ETV5: variants seen among roughly 807,000 people sequenced by gnomAD.
ETV5 encodes the protein ETS variant transcription factor 5.
ETV5 carries 10 observed loss-of-function variants against 70.0 expected under a neutral mutation model. The ratio of observed to expected loss-of-function variants is 0.14; its 90% CI spans 0.09 to 0.24. ETV5 has a LOEUF of 0.24. ETV5 is among the 10% of genes least tolerant of loss of function. The pLI is 1.00. For synonymous variants in ETV5, 216 were observed against 242.2 expected (o/e 0.89, Z 1.01); for missense variants, 453 against 651.2 (o/e 0.70, Z 3.31).
At chr3:186,066,693 TAATC>T in intron 7 of ETV5, among the ~76,000 whole-genome samples, 1 of 152,280 alleles carries the variant, frequency 6.6e-6, no homozygotes, top group Non-Finnish European at 1.5e-5. Context: ...CACTGAAAAT[TAATC>T]TATAAAAGCA....
intron 1 of ETV5, among the ~76,000 whole-genome samples, chr3:186,107,477 C>T (rs1714614871): frequency 6.6e-6 from 1 of 152,054 alleles, no homozygotes. Context: ...ATTTTTCAGT[C>T]TCATGATGAA....
intron 7 of ETV5, 85 bp from the exon 8 acceptor site, chr3:186,066,157 T>C (rs1286734477): frequency 7.9e-7 from 1 of 1,260,718 alleles, no homozygotes; most frequent in African/African-American, 1.5e-5. Context: ...GAAGTTCCAA[T>C]TAATGAAATT....
chr3:186,067,364 G>A (rs1713475037), intron 7 of ETV5, among the ~76,000 whole-genome samples: 1 of 152,212 alleles, frequency 6.6e-6, no homozygotes, highest in African/African-American at 2.4e-5. Flanking sequence ...CCTGGGAGGC[G>A]GAGTTTGCTG....
intron 5 of ETV5, among the ~76,000 whole-genome samples, chr3:186,096,040 G>A (rs911998705): frequency 5.3e-5 from 8 of 152,150 alleles, no homozygotes; most frequent in African/African-American, 1.9e-4. Flanking sequence ...TGTTTCAATA[G>A]GCATAAAAAT....
chr3:186,058,076 A>G (rs963724058), intron 9 of ETV5, among the ~76,000 whole-genome samples: 3 of 152,232 alleles, frequency 2.0e-5, no homozygotes, highest in Non-Finnish European at 4.4e-5. Context: ...GGATCTGAAA[A>G]GACTTTCTAG....
chr3:186,094,832 T>C (rs1402321274), intron 5 of ETV5, among the ~76,000 whole-genome samples: 1 of 152,178 alleles, frequency 6.6e-6, no homozygotes. Context: ...TCAAGTAACA[T>C]GCTTGTGAGT....
chr3:186,090,868 TG>T (rs992162911), intron 5 of ETV5, among the ~76,000 whole-genome samples: 5 of 152,200 alleles, frequency 3.3e-5, no homozygotes, highest in Admixed American at 2.0e-4. Context: ...GCTCTGAGCC[TG>T]GGGGCTCCAA....
chr3:186,070,153 C>T (rs983412880), intron 7 of ETV5, among the ~76,000 whole-genome samples: 6 of 152,206 alleles, frequency 3.9e-5, no homozygotes, highest in Non-Finnish European at 1.5e-5. Context: ...GTGCCCACAT[C>T]TTGTGCTACT....
At chr3:186,095,861 G>A (rs1714290568) in intron 5 of ETV5, among the ~76,000 whole-genome samples, 1 of 152,254 alleles carries the variant, frequency 6.6e-6, no homozygotes, top group African/African-American at 2.4e-5. Flanking sequence ...GGCTGGGGCA[G>A]CTGGGATGGG....
chr3:186,068,735 A>T (rs1235574511), intron 7 of ETV5, among the ~76,000 whole-genome samples: 2 of 152,238 alleles, frequency 1.3e-5, no homozygotes, highest in Admixed American at 1.3e-4. Flanking sequence ...TCATGTCTGT[A>T]AAGTATGGTT....
rs2228269 is a variant in ETV5, at chr3:186,057,241, T to C, written c.1043A>G (p.Lys348Arg). The change falls in exon 11 of 13, where the codon AAA becomes AGA. Residue 348 changes from lysine to arginine, a missense_variant. This residue lies in a region of ETV5 where 307 missense variants were observed against 344.9 expected (regional missense o/e 0.89). Coordinates refer to ENST00000306376, the MANE Select transcript of ETV5 (RefSeq NM_004454.3). The surrounding 1 kb of genome is among the most constrained non-coding windows in gnomAD (Gnocchi z 4.9). ...TCVVPERLEGKVKQEPTMYRE... is the reference protein window; with the variant it reads ...TCVVPERLEGRVKQEPTMYRE... ...ATACATGGTAGGCTCCTGTTTGACT[T>C]TGCCTGTTTGGGACAAGGACACATC... 4.3e-6 allele frequency: 7 copies of C among 1,614,138 alleles called. No individual in the cohort carries two copies. In the African/African-American group the frequency reaches 8.0e-5, roughly 18 times the overall value.
At chr3:186,081,884 T>C (rs927462882) in intron 5 of ETV5, among the ~76,000 whole-genome samples, 14 of 152,360 alleles carry the variant, frequency 9.2e-5, no homozygotes, top group South Asian at 4.1e-4. Flanking sequence ...AAGGGTAGGT[T>C]TGCGTAACCA....
chr3:186,094,012 T>A (rs991470166), intron 5 of ETV5, among the ~76,000 whole-genome samples: 2 of 152,184 alleles, frequency 1.3e-5, no homozygotes, highest in Non-Finnish European at 2.9e-5. Context: ...CTAGCAAGTT[T>A]GCAAGGGTAG....
intron 5 of ETV5, among the ~76,000 whole-genome samples, chr3:186,085,532 G>A (rs1020250097): frequency 1.5e-5 from 2 of 133,026 alleles, no homozygotes; most frequent in African/African-American, 5.7e-5. Flanking sequence ...TTTTGAGATA[G>A]AGTTTCGCCC....
chr3:186,070,680 T>A (rs1176151276), intron 7 of ETV5, among the ~76,000 whole-genome samples: 2 of 152,236 alleles, frequency 1.3e-5, no homozygotes, highest in Non-Finnish European at 2.9e-5. Context: ...TCAGTCCTTG[T>A]CCTCAAAATA....
At position 186,105,781 on chromosome 3, in the gene ETV5, T is replaced by A. The variant is rs758648400; in HGVS notation, c.45+43A>T. The A allele has an allele frequency of 1.2e-6, 2 of 1,610,998 alleles. No individual in the cohort carries two copies. Among genetic ancestry groups the A allele is most frequent in the South Asian group, 2.2e-5 (2 of 91,006 alleles). ...AGGTCCACAGGGGGAAGACTCATAT[T>A]GGAGAGGGAGGACAAAACAAACCAA... On this transcript the variant is annotated intron_variant, in intron 2 of 12. Transcript: ENST00000306376. The surrounding 1 kb of genome is among the most constrained non-coding windows in gnomAD (Gnocchi z 4.5).
At chr3:186,079,258 GATGCCTCA>G (rs1713872443) in intron 7 of ETV5, 1 of 251,878 alleles carries the variant, frequency 4.0e-6, no homozygotes, top group South Asian at 1.7e-4. Context: ...AGTTACTCCT[GATGCCTCA>G]ATGCCTGTAG....
At chr3:186,083,673 T>C (rs1462301225) in intron 5 of ETV5, among the ~76,000 whole-genome samples, 1 of 152,222 alleles carries the variant, frequency 6.6e-6, no homozygotes, top group African/African-American at 2.4e-5. Flanking sequence ...TGTGGAATAG[T>C]ATATTCTTTA....
chr3:186,051,978 T>C, intron 12 of ETV5, 52 bp downstream of exon 12: 2 of 1,580,172 alleles, frequency 1.3e-6, no homozygotes, highest in African/African-American at 1.3e-5. Context: ...AGCCCTGGAC[T>C]TTTTCCTTAA....
Sources: gnomAD v4.1 joint callset for allele counts (sites outside exome capture counted in the v4.1 genomes callset) on GRCh38, gnomAD v4.1.1 for gene constraint, gnomAD v4.1.1 regional missense constraint, Gnocchi (gnomAD v3.1) non-coding constraint, MANE v1.5 for transcripts, NCBI Gene and HGNC (gene_info 2026-07-23, HGNC 2026-07-21) for gene names.